The following ERICH1 variants were observed in gnomAD, a reference collection of about 807,000 sequenced individuals.
ERICH1 encodes glutamate rich 1, also known as glutamate-rich protein 1.
ERICH1 carries 56 observed loss-of-function variants against 39.6 expected under a neutral mutation model. That is an observed-to-expected ratio of 1.41 (90% CI 1.14 to 1.77). The LOEUF is 1.77. ERICH1 is among the 40% of genes most tolerant of loss of function. The pLI is 0.00. For synonymous variants in ERICH1, 313 were observed against 223.6 expected, an observed-to-expected ratio of 1.40 and a Z score of -3.57; for missense variants, 826 against 575.4, an observed-to-expected ratio of 1.44 and a Z score of -4.45.
intron 1 of ERICH1, among the ~76,000 whole-genome samples, chr8:721,510 G>A (rs1268307313): frequency 6.6e-6 from 1 of 152,188 alleles, no homozygotes; most frequent in East Asian, 1.9e-4. Context: ...ACCTGGCCCA[G>A]GCACTCAGGG....
At chr8:622,733 A>C (rs752949122) in intron 3 of ERICH1, among the ~76,000 whole-genome samples, 1 of 152,138 alleles carries the variant, frequency 6.6e-6, no homozygotes, top group Non-Finnish European at 1.5e-5. Flanking sequence ...TGGGAGGATC[A>C]CTTGAGCCCA....
At position 648,789 on chromosome 8, in the gene ERICH1, G is replaced by T. The variant is rs1419490681; in HGVS notation, c.976+19809C>A. ...AAAGTTATTTTGTATTTTGATGACT[G>T]GGTGAAAACCACATTTCAGAGATGA... On this transcript the variant is annotated intron_variant, in intron 3 of 3. Transcript: ENST00000522706. 5.8e-5 allele frequency among the ~76,000 whole-genome samples: 4 copies of T among 69,336 alleles called. 2 individuals are homozygous for T. Among genetic ancestry groups the T allele is most frequent in the Non-Finnish European group, 9.1e-5 (2 of 22,090 alleles). The allele number at this position is 69,336 out of a possible 152,430, so 45.5% of individuals were successfully genotyped here.
At chr8:688,465 G>A (rs1808159454) in intron 3 of ERICH1, among the ~76,000 whole-genome samples, 1 of 151,740 alleles carries the variant, frequency 6.6e-6, no homozygotes, top group African/African-American at 2.4e-5. Flanking sequence ...GCTCACAAAG[G>A]AGCCTCCCCA....
chr8:716,298 T>C (rs181443252), intron 1 of ERICH1, among the ~76,000 whole-genome samples: 6 of 152,358 alleles, frequency 3.9e-5, no homozygotes, highest in African/African-American at 1.4e-4. Context: ...TGGCAGGTGC[T>C]GCCTCTGGCT....
intron 2 of ERICH1, among the ~76,000 whole-genome samples, chr8:709,686 G>A (rs962046201): frequency 5.3e-5 from 8 of 152,108 alleles, no homozygotes; most frequent in East Asian, 1.9e-4. Flanking sequence ...AACTTCAAAG[G>A]CCAAGTGCTT....
intron 3 of ERICH1, among the ~76,000 whole-genome samples, chr8:634,295 C>A (rs943613332): frequency 6.6e-6 from 1 of 152,124 alleles, no homozygotes; most frequent in Admixed American, 6.6e-5. Flanking sequence ...CTCACCTCAC[C>A]CGTTGGGATG....
intron 4 of ERICH1, among the ~76,000 whole-genome samples, chr8:670,460 T>G (rs539966236): frequency 6.6e-6 from 1 of 152,286 alleles, no homozygotes; most frequent in Admixed American, 6.5e-5. Flanking sequence ...GCTCACCCTT[T>G]GCTCCGCCAG....
intron 2 of ERICH1, among the ~76,000 whole-genome samples, chr8:706,353 G>A (rs977267427): frequency 6.6e-6 from 1 of 151,958 alleles, no homozygotes; most frequent in African/African-American, 2.4e-5. Flanking sequence ...ATTCCCAAAA[G>A]AAAACAAACA....
intron 3 of ERICH1, among the ~76,000 whole-genome samples, chr8:649,861 G>A (rs1053228683): frequency 1.3e-5 from 2 of 152,236 alleles, no homozygotes; most frequent in African/African-American, 4.8e-5. Flanking sequence ...TCCAGGAATC[G>A]CTGTCAGGGC....
Position 673,872 on chromosome 8 carries a change from A to G in ERICH1, c.480T>C (p.Asn160=), listed in dbSNP as rs772414090. 3 of 1,612,670 alleles carry G rather than the reference A, an allele frequency of 1.9e-6. No homozygotes were observed. The highest frequency in any genetic ancestry group is 1.7e-6 in the Non-Finnish European group (2 of 1,179,748). ...GTTTCTTTTTCAGTTTCCTTTTTTT[A>G]TTTTTGCTTATTGTGGTGCCATCTG... is the stretch of plus-strand genomic sequence containing the variant. The part of the protein sequence containing the change: ...QHTDGTTISK[N]KKRKLKKKQQ... Residue 160 remains asparagine, a synonymous_variant, in exon 4 of 6, where the codon AAT becomes AAC. Transcript: ENST00000262109.
rs959006940 is a variant in ERICH1 at position 680,563 on chromosome 8, C to A, written c.305-6516G>T. ...AAAGTCCAAGAGAATCCACAGCTGCCACCCCTCCCCCGAAAACACGGAAAG... is the reference window on the plus strand; with the variant it reads ...AAAGTCCAAGAGAATCCACAGCTGCAACCCCTCCCCCGAAAACACGGAAAG... On this transcript the variant is annotated intron_variant, in intron 3 of 5. Transcript: ENST00000262109. Among the ~76,000 whole-genome samples the A allele has an allele frequency of 6.7e-5, 10 of 150,340 alleles. No individual in the cohort carries two copies. In the East Asian group the frequency reaches 2.0e-3, roughly 30 times the overall value.
At chr8:729,296 C>T (rs913529990) in intron 1 of ERICH1, among the ~76,000 whole-genome samples, 1 of 152,212 alleles carries the variant, frequency 6.6e-6, no homozygotes, top group Non-Finnish European at 1.5e-5. Flanking sequence ...TCAACAACAG[C>T]GCCCAACCCC....
At chr8:638,793 A>G (rs1163695842) in intron 3 of ERICH1, among the ~76,000 whole-genome samples, 1 of 152,060 alleles carries the variant, frequency 6.6e-6, no homozygotes, top group Non-Finnish European at 1.5e-5. Flanking sequence ...ATTGACCCAG[A>G]AGACTCATTT....
At chr8:617,801 A>G (rs996288149) in intron 3 of ERICH1, among the ~76,000 whole-genome samples, 2 of 131,338 alleles carry the variant, frequency 1.5e-5, no homozygotes, top group African/African-American at 5.9e-5. Flanking sequence ...TCACTGCCCT[A>G]TGAGTGTTCA....
At chr8:705,034 T>C (rs887904630) in intron 2 of ERICH1, among the ~76,000 whole-genome samples, 4 of 152,268 alleles carry the variant, frequency 2.6e-5, no homozygotes, top group Admixed American at 6.5e-5. Flanking sequence ...ATTTTGGTTG[T>C]TGACAAATCA....
chr8:642,389 G>T (rs1045059995), intron 3 of ERICH1, among the ~76,000 whole-genome samples: 7 of 143,008 alleles, frequency 4.9e-5, no homozygotes, highest in Non-Finnish European at 7.5e-5. Flanking sequence ...CTGTCGCCCA[G>T]GCTGGAGTGC....
Position 718,533 on chromosome 8 carries a change from T to C in ERICH1, c.23-2526A>G, listed in dbSNP as rs112158019. On this transcript the variant is annotated intron_variant, in intron 1 of 5. Coordinates refer to ENST00000262109, the MANE Select transcript of ERICH1 (RefSeq NM_207332.3). ...AGGTGTACAGTACATTTCGAATCTT[T>C]ATAAAAATTCTAAAATGGAAGTAGA... is the stretch of plus-strand genomic sequence containing the variant. Among the ~76,000 whole-genome samples the C allele has an allele frequency of 7.8e-3, 1,183 of 151,844 alleles. 17 individuals carry two copies. The highest frequency in any genetic ancestry group is 0.027 in the African/African-American group (1,093 of 41,106).
intron 3 of ERICH1, among the ~76,000 whole-genome samples, chr8:682,758 A>C (rs1806419857): frequency 6.6e-6 from 1 of 152,242 alleles, no homozygotes; most frequent in Admixed American, 6.5e-5. Context: ...ATAGTTAGAT[A>C]ACAAAAATAA....
At position 673,543 on chromosome 8, in the gene ERICH1, C is replaced by T. The variant is rs1187230080; in HGVS notation, c.809G>A (p.Arg270Lys). 1.2e-6 allele frequency: 2 copies of T among 1,610,410 alleles called. No individual in the cohort carries two copies. Among genetic ancestry groups the T allele is most frequent in the African/African-American group, 2.7e-5 (2 of 74,740 alleles). The change falls in exon 4 of 6, where the codon AGG becomes AAG. Residue 270 changes from arginine to lysine, a missense_variant. By Grantham distance (26) the Arg-to-Lys change is conservative. Transcript: ENST00000262109. ...PAGEEDVKDA[R>K]EEDGVDTIEE... is the part of the protein sequence containing the mutation. Reference sequence around the variant, plus strand: ...AATGGTGTCCACACCGTCCTCCTCCCTGGCGTCTTTAACGTCTTCCTCCCC... The same window carrying T: ...AATGGTGTCCACACCGTCCTCCTCCTTGGCGTCTTTAACGTCTTCCTCCCC...
Sources: gnomAD v4.1 joint callset for allele counts (sites outside exome capture counted in the v4.1 genomes callset) on GRCh38, gnomAD v4.1.1 for gene constraint, MANE v1.5 for transcripts, NCBI Gene and HGNC (gene_info 2026-07-23, HGNC 2026-07-21) for gene names.